Variants in NID1 observed in about 807,000 individuals in gnomAD.
The protein encoded by NID1 is nidogen-1.
NID1 carries 76 observed loss-of-function variants against 130.6 expected under a neutral mutation model. The observed-to-expected ratio is 0.58, with a 90% CI of 0.48 to 0.70. The LOEUF (loss-of-function observed/expected upper bound fraction) is 0.70, where lower values mean the gene tolerates loss of function less well. Ranked by LOEUF, NID1 falls within the 30% of genes least tolerant of loss-of-function variation. NID1 has a pLI of 0.00. For synonymous variants in NID1, 665 were observed against 675.1 expected (o/e 0.98, Z 0.23); for missense variants, 1,517 against 1,664.8 (o/e 0.91, Z 1.54).
chr1:236,048,955 G>T lies in NID1; in HGVS notation c.260C>A (p.Pro87His), dbSNP rs1261570214. 1 of 1,613,910 alleles carries T rather than the reference G, an allele frequency of 6.2e-7. No homozygotes were observed. Among genetic ancestry groups the T allele is most frequent in the Non-Finnish European group, 8.5e-7 (1 of 1,180,008 alleles). The change falls in exon 2 of 20, where the codon CCC (proline) becomes CAC (histidine). Residue 87 changes from proline to histidine, a missense_variant. By Grantham distance (77) the Pro-to-His change is moderately conservative. This residue lies in a region of NID1 where 1,329 missense variants were observed against 1,429.2 expected (regional missense o/e 0.93). Coordinates refer to ENST00000264187, the MANE Select transcript of NID1 (RefSeq NM_002508.3). ...TTNGIIATSE[P>H]PAKESHPGLF... The stretch of plus-strand genomic sequence containing the variant: ...CCCGGGATGGGATTCTTTGGCCGGG[G>T]GTTCACTCGTAGCAATGATGCCATT...
At chr1:235,986,662 A>G (rs1657582961) in intron 14 of NID1, among the ~76,000 whole-genome samples, 1 of 152,180 alleles carries the variant, frequency 6.6e-6, no homozygotes, top group Non-Finnish European at 1.5e-5. Flanking sequence ...GCGTCTCACT[A>G]TGTTGCCCAG....
intron 14 of NID1, among the ~76,000 whole-genome samples, chr1:235,988,017 G>A (rs891532430): frequency 1.6e-4 from 25 of 151,648 alleles, no homozygotes; most frequent in African/African-American, 6.1e-4. Context: ...AAAAGCACAG[G>A]CAACAAAAGA....
rs201356535 is a variant in NID1, at chr1:235,993,733, G to C, written c.2667C>G (p.Cys889Trp). The change falls in exon 13 of 20, where the codon TGC becomes TGG. Residue 889 changes from cysteine to tryptophan, a missense_variant. By Grantham distance (215) the Cys-to-Trp change is radical (BLOSUM62 -2). This residue lies in a region of NID1 where 1,329 missense variants were observed against 1,429.2 expected (regional missense o/e 0.93). Coordinates refer to ENST00000264187, the MANE Select transcript of NID1 (RefSeq NM_002508.3). The part of the protein sequence containing the change: ...DAHGHYAPTQ[C>W]HGSTGYCWCV... ...ACCAGCAGTAGCCGGTGCTGCCGTG[G>C]CACTGGGTGGGCGCGTAGTGCCCGT... is the stretch of plus-strand genomic sequence containing the variant. 6 of 1,612,266 alleles carry C rather than the reference G, an allele frequency of 3.7e-6. No individual in the cohort carries two copies. Among genetic ancestry groups the C allele is most frequent in the African/African-American group, 1.3e-5 (1 of 75,026 alleles).
At position 236,013,414 on chromosome 1, in the gene NID1, G is replaced by A; in HGVS notation, c.2401C>T (p.Gln801Ter). The change falls in exon 11 of 20, where the codon CAA becomes TAA. Residue 801 changes from glutamine (Q) to a stop codon, truncating the protein, a stop_gained. Transcript: ENST00000264187. LOFTEE classifies it high-confidence loss of function. ...PGFSGDGQAC[Q>*]DVDECQPSRC... ...GAAGATCAGAGCAACCACACACCTTGGCAGGCTTGGCCATCCCCAGAAAAG... is the reference window on the plus strand; with the variant it reads ...GAAGATCAGAGCAACCACACACCTTAGCAGGCTTGGCCATCCCCAGAAAAG... The A allele has an allele frequency of 6.2e-7, 1 of 1,613,784 alleles. No individual in the cohort carries two copies. Among genetic ancestry groups the A allele is most frequent in the Non-Finnish European group, 8.5e-7 (1 of 1,180,000 alleles).
intron 12 of NID1, among the ~76,000 whole-genome samples, chr1:235,994,960 G>C (rs1302046436): frequency 6.6e-6 from 1 of 152,114 alleles, no homozygotes; most frequent in Non-Finnish European, 1.5e-5. Flanking sequence ...AAGATTTCAG[G>C]CACCAGATAC....
intron 4 of NID1, among the ~76,000 whole-genome samples, chr1:236,039,607 T>C (rs529283249): frequency 5.3e-5 from 8 of 152,296 alleles, no homozygotes; most frequent in Admixed American, 4.6e-4. Flanking sequence ...TTATATTTAA[T>C]AATCCCGAGC....
intron 4 of NID1, among the ~76,000 whole-genome samples, chr1:236,040,732 C>T (rs541085707): frequency 3.3e-5 from 5 of 151,252 alleles, no homozygotes; most frequent in East Asian, 1.9e-4. Flanking sequence ...GGAGCGATCT[C>T]GGCTCACTGC....
intron 13 of NID1, among the ~76,000 whole-genome samples, 171 bp downstream of exon 13, chr1:235,993,474 G>A (rs1468544253): frequency 6.6e-6 from 1 of 152,228 alleles, no homozygotes; most frequent in African/African-American, 2.4e-5. Context: ...AGCACGGGGA[G>A]GAGCGGGGTA....
chr1:236,020,600 T>C (rs1658733214), intron 9 of NID1, among the ~76,000 whole-genome samples: 1 of 152,142 alleles, frequency 6.6e-6, no homozygotes, highest in South Asian at 2.1e-4. Flanking sequence ...CCACCCTTGT[T>C]TGGGGTGTCA....
At chr1:236,012,578 A>AG (rs1553343928) in intron 11 of NID1, among the ~76,000 whole-genome samples, 1 of 99,554 alleles carries the variant, frequency 1.0e-5, no homozygotes, top group Admixed American at 1.2e-4. Flanking sequence ...AAAAAAAAAA[A>AG]AAAGAAAGAA....
At chr1:235,987,802 G>A (rs1362388101) in intron 14 of NID1, among the ~76,000 whole-genome samples, 1 of 152,144 alleles carries the variant, frequency 6.6e-6, no homozygotes, top group Non-Finnish European at 1.5e-5. Flanking sequence ...CTTTTACTGG[G>A]AAAATCAGGA....
At chr1:236,044,651 T>A (rs912964440) in intron 3 of NID1, among the ~76,000 whole-genome samples, 4 of 152,198 alleles carry the variant, frequency 2.6e-5, no homozygotes, top group African/African-American at 7.2e-5. Flanking sequence ...AGATATAAAA[T>A]TAAAAGGTGG....
chr1:235,978,402 C>A (rs1463022357), intron 19 of NID1, among the ~76,000 whole-genome samples: 4 of 152,154 alleles, frequency 2.6e-5, no homozygotes, highest in African/African-American at 9.7e-5. Flanking sequence ...GAGAGGCCTT[C>A]AAGAGGCAGC....
At position 236,017,052 on chromosome 1, in the gene NID1, T is replaced by G. The variant is rs1049870156; in HGVS notation, c.2254+96A>C. ...ATTGCTCTTCCCAGCACCTTCCAAC[T>G]TGACCAGACTCATTTTACCTGGGAC... On this transcript the variant is annotated intron_variant, in intron 10 of 19. Coordinates refer to ENST00000264187, the MANE Select transcript of NID1 (RefSeq NM_002508.3). 7 of 1,546,636 alleles carry G rather than the reference T, an allele frequency of 4.5e-6. No homozygotes were observed. The African/African-American group carries it at 9.5e-5, about 21-fold the overall frequency.
At chr1:236,050,903 C>A (rs1051666277) in intron 1 of NID1, among the ~76,000 whole-genome samples, 6 of 151,882 alleles carry the variant, frequency 4.0e-5, no homozygotes, top group African/African-American at 1.5e-4. Flanking sequence ...TATGGCAAAA[C>A]CCCGTCTCTA....
Position 236,029,591 on chromosome 1 carries a change from T to C in NID1, c.1697A>G (p.His566Arg). ...GTACAGCTCCGTGTAGGGCTCAATG[T>C]GCACGGAGGAGCCGAACGGAATCTG... ...VPQIPFGSSV[H>R]IEPYTELYHY... Residue 566 changes from histidine to arginine, a missense_variant, in exon 7 of 20, where the codon CAC (histidine) becomes CGC (arginine). His to Arg is a conservative substitution (Grantham distance 29, BLOSUM62 0). Around this residue, in one of 3 missense-constraint regions of NID1, gnomAD observed 1,329 missense variants for 1,429.2 expected, o/e 0.93. Coordinates refer to ENST00000264187, the MANE Select transcript of NID1 (RefSeq NM_002508.3). 1 of 1,584,916 alleles carries C rather than the reference T, an allele frequency of 6.3e-7. No individual in the cohort carries two copies. The highest frequency in any genetic ancestry group is 8.6e-7 in the Non-Finnish European group (1 of 1,165,580).
Position 235,991,069 on chromosome 1 carries a change from G to C in NID1, c.2756-11C>G. 6.4e-7 allele frequency: 1 copy of C among 1,564,860 alleles called. No individual in the cohort carries two copies. The highest frequency in any genetic ancestry group is 8.6e-7 in the Non-Finnish European group (1 of 1,158,070). ...CCACTGTACTCAGACCTGCATGGCAGAGGGGGTCAGTGAGGGAGGCCCGTG... is the reference window on the plus strand; with the variant it reads ...CCACTGTACTCAGACCTGCATGGCACAGGGGGTCAGTGAGGGAGGCCCGTG... On this transcript the variant is annotated splice_polypyrimidine_tract_variant and intron_variant, in intron 13 of 19. Coordinates refer to ENST00000264187, the MANE Select transcript of NID1 (RefSeq NM_002508.3).
intron 7 of NID1, among the ~76,000 whole-genome samples, chr1:236,027,772 T>G (rs1658981337): frequency 6.6e-6 from 1 of 151,856 alleles, no homozygotes; most frequent in Non-Finnish European, 1.5e-5. Context: ...GACGTTGCAG[T>G]GAGCTGAGAT....
intron 4 of NID1, among the ~76,000 whole-genome samples, chr1:236,039,921 G>A (rs1659398952): frequency 6.6e-6 from 1 of 152,150 alleles, no homozygotes; most frequent in South Asian, 2.1e-4. Context: ...ATAACACCAG[G>A]AATGCACTAC....
Sources: gnomAD v4.1 joint callset for allele counts (sites outside exome capture counted in the v4.1 genomes callset) on GRCh38, gnomAD v4.1.1 for gene constraint, gnomAD v4.1.1 regional missense constraint, MANE v1.5 for transcripts, NCBI Gene and HGNC (gene_info 2026-07-23, HGNC 2026-07-21) for gene names.